Variants in NBAS observed in about 807,000 individuals in gnomAD.
The protein encoded by NBAS is NBAS subunit of NRZ tethering complex.
NBAS carries 219 observed loss-of-function variants against 302.5 expected under a neutral mutation model. That is an observed-to-expected ratio of 0.72 (90% CI 0.65 to 0.81). The LOEUF (loss-of-function observed/expected upper bound fraction) is 0.81, where lower values mean the gene tolerates loss of function less well. Among genes scored for constraint, NBAS ranks in the 30% least tolerant of loss-of-function variants. The pLI is 0.00. For missense variants in NBAS, 2,932 were observed against 2,841.6 expected, an observed-to-expected ratio of 1.03 and a Z score of -0.72; for synonymous variants, 1,118 against 1,021.6, an observed-to-expected ratio of 1.09 and a Z score of -1.80.
At chr2:14,969,371 T>G in the NBAS span, among the ~76,000 whole-genome samples, 67 of 132,238 alleles carry the variant, frequency 5.1e-4, no homozygotes, top group East Asian at 3.1e-3. Context: ...TATCTCAAAG[T>G]TATTATTATT....
chr2:15,063,364 G>A, the NBAS span, among the ~76,000 whole-genome samples: 4 of 152,036 alleles, frequency 2.6e-5, no homozygotes, highest in African/African-American at 9.7e-5. Flanking sequence ...GTAGCTCACG[G>A]TGGTCTGACC....
At chr2:14,978,994 G>A in the NBAS span, among the ~76,000 whole-genome samples, 4 of 152,156 alleles carry the variant, frequency 2.6e-5, no homozygotes, top group East Asian at 1.9e-4. Flanking sequence ...GCTATTTTCT[G>A]CTGAATTCCA....
chr2:15,303,592 G>A (rs900657181), intron 40 of NBAS, among the ~76,000 whole-genome samples: 7 of 152,176 alleles, frequency 4.6e-5, no homozygotes, highest in African/African-American at 1.7e-4. Flanking sequence ...ACTGTGGTGT[G>A]TGAATTTGGA....
chr2:15,441,875 G>C (rs983217045), intron 21 of NBAS, among the ~76,000 whole-genome samples: 2 of 151,512 alleles, frequency 1.3e-5, no homozygotes, highest in African/African-American at 4.9e-5. Flanking sequence ...TGATAAAACA[G>C]ACTTTAAACC....
In NBAS at chr2:15,467,785, T is replaced by C. The variant is rs1429076184; in HGVS notation, c.1897A>G (p.Ile633Val). ...DDGRFTLPGE[I>V]DIDSISYEEL... is the part of the protein sequence containing the mutation. ...TCATAGGAGATACTGTCAATGTCTA[T>C]TTCACCAGGTAATGTAAATCTGCAA... The change falls in exon 18 of 52, where the codon ATA (isoleucine) becomes GTA (valine). Residue 633 changes from isoleucine (I) to valine (V), a missense_variant. Coordinates refer to ENST00000281513, the MANE Select transcript of NBAS (RefSeq NM_015909.4). 6.3e-7 allele frequency: 1 copy of C among 1,591,194 alleles called. No homozygotes were observed. Among genetic ancestry groups the C allele is most frequent in the South Asian group, 1.1e-5 (1 of 90,246 alleles).
At chr2:15,177,290 T>G (rs1664589728) in intron 51 of NBAS, among the ~76,000 whole-genome samples, 1 of 152,166 alleles carries the variant, frequency 6.6e-6, no homozygotes, top group Non-Finnish European at 1.5e-5. Flanking sequence ...CAGTGCCATA[T>G]TAAAGGGACT....
chr2:14,914,259 T>C, the NBAS span, among the ~76,000 whole-genome samples: 2 of 152,124 alleles, frequency 1.3e-5, no homozygotes, highest in Non-Finnish European at 1.5e-5. Context: ...CCAAACCATA[T>C]CACACACCAC....
chr2:15,439,193 C>T (rs550258651), intron 21 of NBAS, among the ~76,000 whole-genome samples: 30 of 151,434 alleles, frequency 2.0e-4, no homozygotes, highest in African/African-American at 7.0e-4. Context: ...GTCCCAGCTA[C>T]TTGGGAGGCT....
chr2:15,263,817 T>G (rs576060472), intron 44 of NBAS, among the ~76,000 whole-genome samples: 1 of 152,286 alleles, frequency 6.6e-6, no homozygotes, highest in Non-Finnish European at 1.5e-5. Context: ...ACTGAGTTAT[T>G]TGTTTACCAT....
intron 44 of NBAS, among the ~76,000 whole-genome samples, chr2:15,239,835 T>C (rs1054696794): frequency 1.3e-5 from 2 of 152,160 alleles, no homozygotes; most frequent in African/African-American, 4.8e-5. Context: ...CTGTGTTAGA[T>C]ATATGGGAGT....
At chr2:14,869,717 C>T in the NBAS span, among the ~76,000 whole-genome samples, 3,116 of 152,206 alleles carry the variant, frequency 0.02, 117 homozygotes, top group African/African-American at 0.07. Context: ...TTGGTTTCCA[C>T]GTCCCTCTTG....
At chr2:14,920,102 T>G in the NBAS span, among the ~76,000 whole-genome samples, 1 of 152,164 alleles carries the variant, frequency 6.6e-6, no homozygotes, top group South Asian at 2.1e-4. Context: ...TAATAAGACT[T>G]GAAAGTCAAA....
At chr2:15,322,921 G>C (rs1671885846) in intron 38 of NBAS, among the ~76,000 whole-genome samples, 1 of 151,958 alleles carries the variant, frequency 6.6e-6, no homozygotes, top group Non-Finnish European at 1.5e-5. Context: ...AAATAAAAGA[G>C]ATTATTATTA....
In NBAS at chr2:15,283,365, C is replaced by T. The variant is rs145369641; in HGVS notation, c.5138+3708G>A. 4.2e-3 allele frequency among the ~76,000 whole-genome samples: 646 copies of T among 152,228 alleles called. 6 individuals are homozygous for T. Among genetic ancestry groups the T allele is most frequent in the South Asian group, 0.021 (102 of 4,820 alleles). ...TGAATTATAGTTCCCATAATCCCCACGTGTTGTGGGAGGAACCCGGTGGGA... is the reference window on the plus strand; with the variant it reads ...TGAATTATAGTTCCCATAATCCCCATGTGTTGTGGGAGGAACCCGGTGGGA... On this transcript the variant is annotated intron_variant, in intron 42 of 51. Coordinates refer to ENST00000281513, the MANE Select transcript of NBAS (RefSeq NM_015909.4).
chr2:14,964,666 A>G, the NBAS span, among the ~76,000 whole-genome samples: 2 of 152,320 alleles, frequency 1.3e-5, no homozygotes, highest in Admixed American at 1.3e-4. Context: ...GAATATAGGA[A>G]GAATATAGAT....
At chr2:15,429,544 A>G (rs901686323) in intron 21 of NBAS, among the ~76,000 whole-genome samples, 2 of 152,204 alleles carry the variant, frequency 1.3e-5, no homozygotes, top group Middle Eastern at 3.2e-3. Context: ...AGGGTTTTAA[A>G]GCAGAAGAGG....
At chr2:15,215,146 C>T (rs1666597282) in intron 48 of NBAS, among the ~76,000 whole-genome samples, 1 of 152,144 alleles carries the variant, frequency 6.6e-6, no homozygotes, top group South Asian at 2.1e-4. Flanking sequence ...CTCTCCCCTG[C>T]CCCCATGTCC....
chr2:15,561,222 A>C lies in NBAS; in HGVS notation c.83T>G (p.Val28Gly). 6.2e-7 allele frequency: 1 copy of C among 1,613,894 alleles called. No homozygotes were observed. Among genetic ancestry groups the C allele is most frequent in the Non-Finnish European group, 8.5e-7 (1 of 1,179,994 alleles). The stretch of plus-strand genomic sequence containing the variant: ...AGTCTCCGGTGGCCACTCGGTGTTG[A>C]CCAACAAGTCATAGAGAATCGTCTC... The part of the protein sequence containing the change: ...EEETILYDLL[V>G]NTEWPPETEV... Residue 28 changes from valine to glycine, a missense_variant, in exon 1 of 52, where the codon GTC becomes GGC. By Grantham distance (109) the Val-to-Gly change is moderately radical. Coordinates refer to ENST00000281513, the MANE Select transcript of NBAS (RefSeq NM_015909.4).
At chr2:15,307,003 G>C (rs1185448808) in intron 40 of NBAS, among the ~76,000 whole-genome samples, 1 of 152,184 alleles carries the variant, frequency 6.6e-6, no homozygotes, top group Non-Finnish European at 1.5e-5. Context: ...ACAGTGAGAA[G>C]GGACCAGGCA....
Sources: allele counts gnomAD v4.1 joint callset (sites outside exome capture counted in the v4.1 genomes callset), GRCh38; gene constraint gnomAD v4.1.1; transcripts MANE v1.5; gene names NCBI Gene and HGNC (gene_info 2026-07-23, HGNC 2026-07-21).